Variants in CABIN1 observed in about 807,000 individuals in gnomAD.
The protein encoded by CABIN1 is calcineurin-binding protein cabin-1.
In CABIN1, 133 loss-of-function variants were observed where a neutral mutation model predicts 227.7. That is an observed-to-expected ratio of 0.58 (90% CI 0.51 to 0.67). The LOEUF is 0.67. Among genes scored for constraint, CABIN1 ranks in the 30% least tolerant of loss-of-function variants. The pLI is 0.00. For synonymous variants in CABIN1, 1,086 were observed against 1,155.1 expected, an observed-to-expected ratio of 0.94 and a Z score of 1.21; for missense variants, 2,408 against 2,852.5, an observed-to-expected ratio of 0.84 and a Z score of 3.55.
At chr22:24,049,446 G>A (rs1023174322) in intron 7 of CABIN1, among the ~76,000 whole-genome samples, 2 of 152,128 alleles carry the variant, frequency 1.3e-5, no homozygotes, top group African/African-American at 2.4e-5. Flanking sequence ...CCTGCTGCCC[G>A]CCTCTCCTGC....
intron 29 of CABIN1, among the ~76,000 whole-genome samples, chr22:24,151,369 C>G (rs1219643855): frequency 6.6e-6 from 1 of 152,170 alleles, no homozygotes; most frequent in Non-Finnish European, 1.5e-5. Flanking sequence ...ATGACCTTCC[C>G]TACCTTGCAG....
intron 24 of CABIN1, among the ~76,000 whole-genome samples, chr22:24,092,817 T>A (rs1284931234): frequency 6.6e-6 from 1 of 152,002 alleles, no homozygotes; most frequent in African/African-American, 2.4e-5. Context: ...CCTAAGAGTT[T>A]GCTATGTCCC....
At chr22:24,039,459 T>G (rs759095988) in intron 4 of CABIN1, among the ~76,000 whole-genome samples, 9 of 152,206 alleles carry the variant, frequency 5.9e-5, no homozygotes, top group Non-Finnish European at 1.2e-4. Flanking sequence ...TTACAGTGCT[T>G]TGGAATTAGT....
rs34365542 is a variant in CABIN1, at chr22:24,132,062, C to CA, written c.4633-2222dup. ...GGGTTACGGAGTGACACTCTGTCTC[C>CA]AAAAAAAAAAAAAAAAAATACAGTG... On this transcript the variant is annotated intron_variant, in intron 28 of 36. Transcript: ENST00000263119. Among the ~76,000 whole-genome samples, 739 of 114,736 alleles carry CA rather than the reference C, an allele frequency of 6.4e-3. 2 individuals carry two copies. The highest frequency in any genetic ancestry group is 0.012 in the African/African-American group (353 of 30,396). 75.3% of individuals were successfully genotyped at this position (114,736 alleles called of 152,430 possible). A position where few individuals can be genotyped will look rare whatever the true frequency, so the allele number is the denominator to read the frequency against.
rs117285462 is a variant in CABIN1 at position 24,125,857 on chromosome 22, C to T, written c.4632+6159C>T. ...ACTTAGGAATCTTGATTTTGTATTT[C>T]AGTCTGTCTGCCTCATGGTTTGAAG... On this transcript the variant is annotated intron_variant, in intron 28 of 36. Coordinates refer to ENST00000263119, the MANE Select transcript of CABIN1 (RefSeq NM_012295.4). Among the ~76,000 whole-genome samples the T allele has an allele frequency of 2.5e-3, 385 of 152,312 alleles. 6 individuals are homozygous for T. The South Asian group carries it at 0.034, about 14-fold the overall frequency.
intron 3 of CABIN1, among the ~76,000 whole-genome samples, chr22:24,036,442 A>C (rs2036896413): frequency 6.6e-6 from 1 of 152,220 alleles, no homozygotes; most frequent in Non-Finnish European, 1.5e-5. Context: ...TTCTTTGTGC[A>C]GCCCTCAGGA....
At chr22:24,086,163 G>A (rs910969712) in intron 22 of CABIN1, among the ~76,000 whole-genome samples, 6 of 152,234 alleles carry the variant, frequency 3.9e-5, no homozygotes, top group African/African-American at 1.4e-4. Context: ...CGTCCTCTTG[G>A]GGTGACTGGG....
At chr22:24,066,665 T>G (rs2039703130) in intron 15 of CABIN1, among the ~76,000 whole-genome samples, 1 of 152,202 alleles carries the variant, frequency 6.6e-6, no homozygotes, top group African/African-American at 2.4e-5. Flanking sequence ...GCAAGACTGG[T>G]TCGCCGAACT....
chr22:24,094,357 A>G (rs2041745353), intron 24 of CABIN1, among the ~76,000 whole-genome samples: 1 of 152,178 alleles, frequency 6.6e-6, no homozygotes, highest in Non-Finnish European at 1.5e-5. Context: ...CAGCTTCCAT[A>G]TGAGGAACCA....
chr22:24,107,090 C>T (rs1036061932), intron 26 of CABIN1, among the ~76,000 whole-genome samples: 4 of 152,070 alleles, frequency 2.6e-5, no homozygotes, highest in African/African-American at 4.8e-5. Flanking sequence ...TGGTAGTGGG[C>T]GGGAACCTTG....
chr22:24,104,245 G>A (rs1317664525), intron 26 of CABIN1, among the ~76,000 whole-genome samples: 1 of 152,156 alleles, frequency 6.6e-6, no homozygotes, highest in Non-Finnish European at 1.5e-5. Flanking sequence ...AGATGGCTGG[G>A]GGATGCCAGC....
intron 1 of CABIN1, among the ~76,000 whole-genome samples, chr22:24,020,563 C>T (rs2035647441): frequency 6.6e-6 from 1 of 152,144 alleles, no homozygotes; most frequent in Non-Finnish European, 1.5e-5. Context: ...CCTCAGCCTC[C>T]CAAAGTGCTG....
intron 26 of CABIN1, among the ~76,000 whole-genome samples, chr22:24,105,913 G>A (rs1435954729): frequency 1.3e-5 from 2 of 152,220 alleles, no homozygotes; most frequent in Non-Finnish European, 2.9e-5. Context: ...GGTCCTCTGA[G>A]GGCTCAGCAC....
In CABIN1 at chr22:24,058,434, A is replaced by G. The variant is rs545486672; in HGVS notation, c.1263-793A>G. On this transcript the variant is annotated intron_variant, in intron 10 of 36. Transcript: ENST00000263119. ...AATGAAGACATTCACAAGTGCCCTG[A>G]GTGTTTATGCTGCAGGGGTTCTGGG... Among the ~76,000 whole-genome samples, 309 of 152,256 alleles carry G rather than the reference A, an allele frequency of 2.0e-3. 2 individuals are homozygous for G. The highest frequency in any genetic ancestry group is 3.4e-3 in the Non-Finnish European group (233 of 68,014).
At chr22:24,058,301 T>C (rs932298272) in intron 10 of CABIN1, among the ~76,000 whole-genome samples, 27 of 152,230 alleles carry the variant, frequency 1.8e-4, no homozygotes, top group African/African-American at 5.5e-4. Context: ...GAGATTACAA[T>C]CTTGAGCAAC....
chr22:24,033,548 C>T (rs536669250), intron 1 of CABIN1, among the ~76,000 whole-genome samples: 17 of 152,192 alleles, frequency 1.1e-4, no homozygotes, highest in Non-Finnish European at 2.5e-4. Flanking sequence ...GCCCTTCCAG[C>T]CCCTTCTGCC....
intron 28 of CABIN1, among the ~76,000 whole-genome samples, chr22:24,134,077 T>C (rs2044241150): frequency 6.6e-6 from 1 of 152,222 alleles, no homozygotes; most frequent in African/African-American, 2.4e-5. Context: ...ACTACACTCC[T>C]AAACCAGTGG....
At chr22:24,067,360 A>G (rs1601888660) in intron 16 of CABIN1, among the ~76,000 whole-genome samples, 179 bp downstream of exon 16, 1 of 152,220 alleles carries the variant, frequency 6.6e-6, no homozygotes, top group Non-Finnish European at 1.5e-5. Flanking sequence ...ACTAATGGAA[A>G]GTTAGAACCA....
intron 1 of CABIN1, among the ~76,000 whole-genome samples, chr22:24,022,614 G>A (rs2035804746): frequency 1.3e-5 from 2 of 152,224 alleles, no homozygotes; most frequent in Non-Finnish European, 2.9e-5. Flanking sequence ...ATAACTAGGA[G>A]TGAGATTGAT....
Sources: allele counts gnomAD v4.1 joint callset (sites outside exome capture counted in the v4.1 genomes callset), GRCh38; gene constraint gnomAD v4.1.1; transcripts MANE v1.5; gene names NCBI Gene and HGNC (gene_info 2026-07-23, HGNC 2026-07-21).